The following SERINC5 variants were observed in gnomAD, a reference collection of about 807,000 sequenced individuals.
The protein encoded by SERINC5 is chromosome 5 open reading frame 12.
In SERINC5, 41 loss-of-function variants were observed where a neutral mutation model predicts 63.1. That is an observed-to-expected ratio of 0.65 (90% CI 0.51 to 0.84). The LOEUF is 0.84. Ranked by LOEUF, SERINC5 falls within the 40% of genes least tolerant of loss-of-function variation. SERINC5 has a pLI of 0.00. For missense variants in SERINC5, 523 were observed against 573.0 expected, an observed-to-expected ratio of 0.91 and a Z score of 0.89; for synonymous variants, 222 against 215.2, an observed-to-expected ratio of 1.03 and a Z score of -0.28.
chr5:80,230,186 A>AT (rs1751374035), intron 1 of SERINC5, among the ~76,000 whole-genome samples: 1 of 152,000 alleles, frequency 6.6e-6, no homozygotes, highest in Non-Finnish European at 1.5e-5. Flanking sequence ...CCAAAAACCT[A>AT]TTGGCCAGGC....
At chr5:80,188,284 A>G (rs1439185402) in intron 2 of SERINC5, among the ~76,000 whole-genome samples, 2 of 31,346 alleles carry the variant, frequency 6.4e-5, no homozygotes, top group African/African-American at 4.5e-4. Flanking sequence ...CTCCGTCTCA[A>G]AAAAAAAAAA....
chr5:80,205,631 C>T (rs1188167823), intron 1 of SERINC5, among the ~76,000 whole-genome samples: 2 of 152,196 alleles, frequency 1.3e-5, no homozygotes, highest in African/African-American at 4.8e-5. Flanking sequence ...ACAGCATACA[C>T]ATCTTTTCTT....
chr5:80,112,243 G>A (rs922774182), intron 12 of SERINC5, among the ~76,000 whole-genome samples: 2 of 152,194 alleles, frequency 1.3e-5, no homozygotes, highest in Non-Finnish European at 2.9e-5. Context: ...GGCAGGAGGC[G>A]AGATATGCTG....
chr5:80,169,838 C>G lies in SERINC5; in HGVS notation c.552-292G>C, dbSNP rs115325226. On this transcript the variant is annotated intron_variant, in intron 5 of 11. Transcript: ENST00000507668. Reference sequence around the variant, plus strand: ...ATTCATTCATTAAAATGAATAATGTCAACCCAAATGAGAGACTGAGGCAAC... The same window carrying G: ...ATTCATTCATTAAAATGAATAATGTGAACCCAAATGAGAGACTGAGGCAAC... Among the ~76,000 whole-genome samples, 1,408 of 152,226 alleles carry G rather than the reference C, an allele frequency of 9.2e-3. 21 individuals carry two copies. Among genetic ancestry groups the G allele is most frequent in the African/African-American group, 0.032 (1,322 of 41,520 alleles).
At chr5:80,116,812 G>C (rs1744339763) in intron 11 of SERINC5, among the ~76,000 whole-genome samples, 2 of 151,702 alleles carry the variant, frequency 1.3e-5, no homozygotes, top group Admixed American at 6.6e-5. Flanking sequence ...TGACTTTCTG[G>C]TGACCAGAAA....
At chr5:80,221,224 T>C (rs1750889417) in intron 1 of SERINC5, among the ~76,000 whole-genome samples, 1 of 151,904 alleles carries the variant, frequency 6.6e-6, no homozygotes, top group Non-Finnish European at 1.5e-5. Flanking sequence ...AAATAAACCT[T>C]CCCAGGGGAT....
intron 11 of SERINC5, among the ~76,000 whole-genome samples, chr5:80,122,800 G>C (rs1744600812): frequency 6.6e-6 from 1 of 152,202 alleles, no homozygotes; most frequent in Admixed American, 6.5e-5. Context: ...ACTGAAAGTG[G>C]CCCTTGCCTA....
At chr5:80,225,050 C>A (rs1344870907) in intron 1 of SERINC5, among the ~76,000 whole-genome samples, 2 of 151,454 alleles carry the variant, frequency 1.3e-5, no homozygotes, top group African/African-American at 4.9e-5. Context: ...AAGCAATTCT[C>A]TTGACTCAGC....
chr5:80,203,297 GAC>G (rs1455693208), intron 1 of SERINC5: 1 of 165,784 alleles, frequency 6.0e-6, no homozygotes, highest in Non-Finnish European at 1.3e-5. Context: ...TATATATTGA[GAC>G]AGTCTATATC....
At chr5:80,172,243 C>T (rs1196747594) in intron 5 of SERINC5, among the ~76,000 whole-genome samples, 1 of 152,112 alleles carries the variant, frequency 6.6e-6, no homozygotes, top group Non-Finnish European at 1.5e-5. Flanking sequence ...ATCGCTTGGA[C>T]ACCAGAGGCA....
chr5:80,132,539 G>A (rs2112258868), intron 11 of SERINC5, among the ~76,000 whole-genome samples: 1 of 151,954 alleles, frequency 6.6e-6, no homozygotes, highest in East Asian at 1.9e-4. Flanking sequence ...GTGCTTCCCA[G>A]GTTGCAATCC....
In SERINC5 at chr5:80,116,962, G is replaced by C. The variant is rs554739082; in HGVS notation, c.1239-3337C>G. Reference sequence around the variant, plus strand: ...TCCTGCCTCAGCCTCCCAAGTAGCTGGGATTACAGGCGAGTGCCACCAGGC... The same window carrying C: ...TCCTGCCTCAGCCTCCCAAGTAGCTCGGATTACAGGCGAGTGCCACCAGGC... On this transcript the variant is annotated intron_variant, in intron 11 of 12. Transcript: ENST00000509193. Among the ~76,000 whole-genome samples the C allele has an allele frequency of 7.8e-4, 118 of 152,042 alleles. 2 individuals carry two copies. Among genetic ancestry groups the C allele is most frequent in the African/African-American group, 2.6e-3 (109 of 41,350 alleles).
chr5:80,230,549 CAAATAAT>C (rs1340016216), intron 1 of SERINC5, among the ~76,000 whole-genome samples: 2 of 151,112 alleles, frequency 1.3e-5, no homozygotes, highest in Non-Finnish European at 2.9e-5. Context: ...CCATGTAAAA[CAAATAAT>C]AATGCAACAA....
At chr5:80,158,429 C>T (rs60994341) in intron 8 of SERINC5, 18,604 of 177,424 alleles carry the variant, frequency 0.1, 2,148 homozygotes, top group African/African-American at 0.3. Context: ...TCCTTTGGAT[C>T]AGAAAGCTGC....
At chr5:80,149,061 G>A (rs1007249543) in intron 9 of SERINC5, among the ~76,000 whole-genome samples, 23 of 152,200 alleles carry the variant, frequency 1.5e-4, no homozygotes, top group African/African-American at 5.3e-4. Flanking sequence ...CCTGTGAAAT[G>A]TGACGCAGGA....
intron 2 of SERINC5, among the ~76,000 whole-genome samples, chr5:80,200,011 T>C (rs567310679): frequency 3.9e-5 from 6 of 152,308 alleles, no homozygotes; most frequent in South Asian, 4.1e-4. Flanking sequence ...ATAGAAAAAC[T>C]AGCCAGCATG....
intron 11 of SERINC5, among the ~76,000 whole-genome samples, chr5:80,127,839 A>AT (rs1456312755): frequency 6.6e-6 from 1 of 152,138 alleles, no homozygotes; most frequent in Non-Finnish European, 1.5e-5. Flanking sequence ...CTACAATCTA[A>AT]TTTTAATTGA....
At chr5:80,182,541 ACCGCC>A (rs1436720565) in intron 2 of SERINC5, among the ~76,000 whole-genome samples, 1 of 34,794 alleles carries the variant, frequency 2.9e-5, no homozygotes, top group African/African-American at 2.0e-4. Context: ...CTATCATCTG[ACCGCC>A]CCCCCCCCCT....
intron 6 of SERINC5, among the ~76,000 whole-genome samples, chr5:80,169,109 C>T (rs1047109235): frequency 1.1e-4 from 16 of 152,152 alleles, no homozygotes; most frequent in African/African-American, 3.1e-4. Flanking sequence ...TCATTGACTT[C>T]GTTACGTTCA....
Sources: gnomAD v4.1 joint callset for allele counts (sites outside exome capture counted in the v4.1 genomes callset) on GRCh38, gnomAD v4.1.1 for gene constraint, MANE v1.5 for transcripts, NCBI Gene and HGNC (gene_info 2026-07-23, HGNC 2026-07-21) for gene names.